Variants in TMCC2 observed in about 807,000 individuals in gnomAD.
The protein encoded by TMCC2 is transmembrane and coiled-coil domains protein 2.
A neutral mutation model predicts 49.4 loss-of-function variants in TMCC2; 16 were observed. The observed-to-expected ratio is 0.32, with a 90% CI of 0.22 to 0.49. The LOEUF (loss-of-function observed/expected upper bound fraction) is 0.49. Among genes scored for constraint, TMCC2 ranks in the 20% least tolerant of loss-of-function variants. TMCC2 has a pLI of 0.99. For missense variants in TMCC2, 762 were observed against 989.8 expected, an observed-to-expected ratio of 0.77 and a Z score of 3.09; for synonymous variants, 397 against 434.1, an observed-to-expected ratio of 0.91 and a Z score of 1.06.
At chr1:205,232,017 A>ATT (rs919858595) in intron 1 of TMCC2, among the ~76,000 whole-genome samples, 1 of 152,152 alleles carries the variant, frequency 6.6e-6, no homozygotes, top group Non-Finnish European at 1.5e-5. Flanking sequence ...AGAGGAGAGA[A>ATT]TTTTTATCTT....
intron 2 of TMCC2, among the ~76,000 whole-genome samples, chr1:205,250,684 G>A (rs1464848894): frequency 6.6e-6 from 1 of 152,134 alleles, no homozygotes; most frequent in Admixed American, 6.5e-5. Flanking sequence ...CCTTGTTGAC[G>A]CCTTTGTCCC....
intron 1 of TMCC2, among the ~76,000 whole-genome samples, chr1:205,231,535 G>A (rs146546976): frequency 2.0e-5 from 3 of 152,228 alleles, no homozygotes; most frequent in South Asian, 2.1e-4. Flanking sequence ...GGACTCAAGC[G>A]AAACTCCTGC....
At chr1:205,243,191 C>G (rs1000392189) in intron 2 of TMCC2, among the ~76,000 whole-genome samples, 3 of 152,178 alleles carry the variant, frequency 2.0e-5, no homozygotes, top group African/African-American at 4.8e-5. Context: ...CAAGATCACT[C>G]TGGCCTACAT....
At chr1:205,261,944 G>A (rs966580009) in intron 2 of TMCC2, among the ~76,000 whole-genome samples, 7 of 152,084 alleles carry the variant, frequency 4.6e-5, no homozygotes, top group African/African-American at 1.7e-4. Flanking sequence ...CTCACCCTCT[G>A]TCCTGTTCCA....
chr1:205,229,522 C>A, intron 1 of TMCC2: 1 of 561,454 alleles, frequency 1.8e-6, no homozygotes, highest in Non-Finnish European at 2.1e-6. Flanking sequence ...GGATGAAGCT[C>A]AGTTTGCCGA....
At chr1:205,271,688 C>G in intron 4 of TMCC2, 125 bp from the exon 5 acceptor site, 1 of 1,280,374 alleles carries the variant, frequency 7.8e-7, no homozygotes, top group South Asian at 1.5e-5. Flanking sequence ...GGTCAACCTC[C>G]ACTCCTCCTG....
intron 1 of TMCC2, among the ~76,000 whole-genome samples, chr1:205,239,453 G>A (rs768563263): frequency 1.3e-5 from 2 of 152,158 alleles, no homozygotes; most frequent in Non-Finnish European, 2.9e-5. Flanking sequence ...CCTCAAGCTG[G>A]CCCCCAGGGG....
intron 2 of TMCC2, among the ~76,000 whole-genome samples, chr1:205,245,163 G>GA (rs1200996892): frequency 4.6e-5 from 7 of 152,160 alleles, no homozygotes; most frequent in African/African-American, 1.7e-4. Context: ...AGGCCAGGCT[G>GA]AAGCAACACT....
Position 205,272,921 on chromosome 1 carries a change from G to T in TMCC2, c.*797G>T, listed in dbSNP as rs570491974. 1 of 152,624 alleles carries T rather than the reference G, an allele frequency of 6.6e-6. No homozygotes were observed. The highest frequency in any genetic ancestry group is 2.1e-4 in the South Asian group (1 of 4,830). The allele number at this position is 152,624 out of a possible 1,614,324, so 9.5% of individuals were successfully genotyped here. On this transcript the variant is annotated 3_prime_UTR_variant, in exon 5 of 5. Transcript: ENST00000358024. Reference sequence around the variant, plus strand: ...ATTTGTTCCTTTGTTCCCTACCCGTGCCCCCAGTGTCTTCCCTGCTGAGTA... The same window carrying T: ...ATTTGTTCCTTTGTTCCCTACCCGTTCCCCCAGTGTCTTCCCTGCTGAGTA...
chr1:205,256,925 A>T (rs1167031139), intron 2 of TMCC2, among the ~76,000 whole-genome samples: 1 of 151,926 alleles, frequency 6.6e-6, no homozygotes, highest in East Asian at 1.9e-4. Context: ...GCAGGTGCAC[A>T]TGTCATGTGT....
intron 4 of TMCC2, 44 bp from the exon 5 acceptor site, chr1:205,271,769 T>C (rs770893901): frequency 1.3e-6 from 2 of 1,585,392 alleles, no homozygotes; most frequent in South Asian, 2.3e-5. Flanking sequence ...CTAGGGGTCC[T>C]GCCCATCCTG....
At chr1:205,235,132 C>T (rs1369817794) in intron 1 of TMCC2, among the ~76,000 whole-genome samples, 1 of 152,008 alleles carries the variant, frequency 6.6e-6, no homozygotes, top group African/African-American at 2.4e-5. Flanking sequence ...CTGTTTTGTC[C>T]CGCTTGCACC....
Position 205,241,724 on chromosome 1 carries a change from G to A in TMCC2, c.427G>A (p.Ala143Thr), listed in dbSNP as rs997948416. The A allele has an allele frequency of 1.7e-5, 28 of 1,613,172 alleles. No individual in the cohort carries two copies. Among genetic ancestry groups the A allele is most frequent in the Non-Finnish European group, 2.1e-5 (25 of 1,180,020 alleles). ...CGCCATGTCCCTGCACGACCTGCCCGCCCGGCCCACCGCCTTCAACCGCGT... is the reference window on the plus strand; with the variant it reads ...CGCCATGTCCCTGCACGACCTGCCCACCCGGCCCACCGCCTTCAACCGCGT... ...SYAMSLHDLP[A>T]RPTAFNRVLQ... Residue 143 changes from alanine to threonine, a missense_variant, in exon 2 of 5, where the codon GCC (alanine) becomes ACC (threonine). Ala to Thr is a moderately conservative substitution (Grantham distance 58). Around this residue, in one of 2 missense-constraint regions of TMCC2, gnomAD observed 322 missense variants for 353.1 expected, o/e 0.91. Coordinates refer to ENST00000358024, the MANE Select transcript of TMCC2 (RefSeq NM_014858.4). This position sits in a 1 kb window ranked among gnomAD's most constrained non-coding sequence, Gnocchi z 7.3.
chr1:205,230,860 A>G (rs1400478198), intron 1 of TMCC2, among the ~76,000 whole-genome samples: 2 of 150,840 alleles, frequency 1.3e-5, no homozygotes, highest in African/African-American at 4.9e-5. Context: ...CAGTGCCCTC[A>G]TTCTGGTCAG....
Position 205,228,745 on chromosome 1 carries a change from C to A in TMCC2, c.181C>A (p.Pro61Thr). The change falls in exon 1 of 5, where the codon CCC (proline) becomes ACC (threonine). Residue 61 changes from proline to threonine, a missense_variant. Transcript: ENST00000358024. ...CGCTGCCGCGGCGCCCAACCCAGGT[C>A]CCCGAAGCAAGCCTCCTGATTTAAA... ...AGAAAAPNPGPRSKPPDLKKI... is the reference protein window; with the variant it reads ...AGAAAAPNPGTRSKPPDLKKI... 6.2e-7 allele frequency: 1 copy of A among 1,608,692 alleles called. No individual in the cohort carries two copies. Among genetic ancestry groups the A allele is most frequent in the Non-Finnish European group, 8.5e-7 (1 of 1,178,402 alleles).
At position 205,271,973 on chromosome 1, in the gene TMCC2, T is replaced by C; in HGVS notation, c.1979T>C (p.Phe660Ser). The change falls in exon 5 of 5, where the codon TTC becomes TCC. Residue 660 changes from phenylalanine (F) to serine (S), a missense_variant. Phe to Ser is a radical substitution (Grantham distance 155). Coordinates refer to ENST00000358024, the MANE Select transcript of TMCC2 (RefSeq NM_014858.4). ...ILALMAVLLV[F>S]VSTIANFITP... Reference sequence around the variant, plus strand: ...GCGCTCATGGCCGTGCTGCTGGTGTTCGTGTCCACCATCGCCAACTTCATC... The same window carrying C: ...GCGCTCATGGCCGTGCTGCTGGTGTCCGTGTCCACCATCGCCAACTTCATC... 6.2e-7 allele frequency: 1 copy of C among 1,614,214 alleles called. No individual in the cohort carries two copies. Among genetic ancestry groups the C allele is most frequent in the Non-Finnish European group, 8.5e-7 (1 of 1,180,028 alleles).
At chr1:205,252,633 C>T (rs761131181) in intron 2 of TMCC2, among the ~76,000 whole-genome samples, 13 of 152,210 alleles carry the variant, frequency 8.5e-5, no homozygotes, top group Non-Finnish European at 1.8e-4. Context: ...AGCCGCCAGC[C>T]TTTCAAAGAG....
chr1:205,263,760 T>C (rs966312011), intron 2 of TMCC2, among the ~76,000 whole-genome samples: 2 of 152,218 alleles, frequency 1.3e-5, no homozygotes, highest in Non-Finnish European at 2.9e-5. Context: ...GTTTCATCGC[T>C]GTGGAGTGAG....
At chr1:205,244,417 T>G (rs1233140621) in intron 2 of TMCC2, among the ~76,000 whole-genome samples, 1 of 152,152 alleles carries the variant, frequency 6.6e-6, no homozygotes, top group East Asian at 1.9e-4. Context: ...TCTTACTTTG[T>G]TTTTATTTTC....
Sources: gnomAD v4.1 joint callset for allele counts (sites outside exome capture counted in the v4.1 genomes callset) on GRCh38, gnomAD v4.1.1 for gene constraint, gnomAD v4.1.1 regional missense constraint, Gnocchi (gnomAD v3.1) non-coding constraint, MANE v1.5 for transcripts, NCBI Gene and HGNC (gene_info 2026-07-23, HGNC 2026-07-21) for gene names.